RALGPS1: variants seen among roughly 807,000 people sequenced by gnomAD.
RALGPS1 encodes ras-specific guanine nucleotide-releasing factor RalGPS1.
Under a neutral mutation model 78.8 loss-of-function variants are expected in RALGPS1, and 19 were observed. The ratio of observed to expected loss-of-function variants is 0.24; its 90% confidence interval spans 0.17 to 0.35. The LOEUF (loss-of-function observed/expected upper bound fraction) is 0.35. Among genes scored for constraint, RALGPS1 ranks in the 10% least tolerant of loss-of-function variants. The probability of loss-of-function intolerance (pLI) is 1.00; values close to 1 mark genes in which losing one functional copy is unlikely to be tolerated. For synonymous variants in RALGPS1, 228 were observed against 256.3 expected, an observed-to-expected ratio of 0.89 and a Z score of 1.06; for missense variants, 454 against 688.3, an observed-to-expected ratio of 0.66 and a Z score of 3.81.
intron 3 of RALGPS1, among the ~76,000 whole-genome samples, chr9:126,975,901 G>A (rs1021321688): frequency 1.5e-4 from 23 of 152,168 alleles, no homozygotes; most frequent in African/African-American, 5.1e-4. Flanking sequence ...AGCCAGGCTG[G>A]TGGCAGCATC....
intron 3 of RALGPS1, among the ~76,000 whole-genome samples, chr9:126,972,210 G>T (rs905756273): frequency 1.3e-5 from 2 of 152,136 alleles, no homozygotes; most frequent in Non-Finnish European, 2.9e-5. Flanking sequence ...CCCCATCATG[G>T]CACAATTTGA....
chr9:127,043,505 T>C (rs2047496179), intron 5 of RALGPS1, among the ~76,000 whole-genome samples: 1 of 152,150 alleles, frequency 6.6e-6, no homozygotes, highest in Non-Finnish European at 1.5e-5. Flanking sequence ...TATAAAACTT[T>C]TAGGAGAAAA....
chr9:127,029,433 G>C lies in RALGPS1; in HGVS notation c.217-4998G>C, dbSNP rs148930860. 7.9e-3 allele frequency among the ~76,000 whole-genome samples: 1,197 copies of C among 152,250 alleles called. 11 individuals are homozygous for C. The highest frequency in any genetic ancestry group is 0.05 in the South Asian group (241 of 4,820). ...AAAGCAAATCTGGCAGGTCTTTCCT[G>C]TTGTTTTTTTTTCCTTCCTGTGAGA... On this transcript the variant is annotated intron_variant, in intron 4 of 18. Transcript: ENST00000259351.
At chr9:127,000,475 A>G (rs561230561) in intron 4 of RALGPS1, among the ~76,000 whole-genome samples, 1 of 143,896 alleles carries the variant, frequency 6.9e-6, no homozygotes, top group Non-Finnish European at 1.5e-5. Context: ...TGTGTTATTC[A>G]GTTTCCAAAT....
At chr9:126,995,452 A>C (rs568651834) in intron 4 of RALGPS1, among the ~76,000 whole-genome samples, 103 of 152,386 alleles carry the variant, frequency 6.8e-4, no homozygotes, top group African/African-American at 2.4e-3. Flanking sequence ...ACATAATGGT[A>C]AAGGGATCAA....
intron 10 of RALGPS1, 47 bp downstream of exon 10, chr9:127,168,819 G>T: frequency 6.7e-7 from 1 of 1,490,618 alleles, no homozygotes. Flanking sequence ...CCCCACTTTT[G>T]TCCTTAGTGC....
At position 126,978,000 on chromosome 9, in the gene RALGPS1, A is replaced by G. The variant is rs573810912; in HGVS notation, c.216+255A>G. The G allele has an allele frequency of 1.2e-5, 4 of 343,532 alleles. No homozygotes were observed. The East Asian group carries it at 1.8e-4, about 15-fold the overall frequency. The allele number at this position is 343,532 out of a possible 1,614,324, so 21.3% of individuals were successfully genotyped here. On this transcript the variant is annotated intron_variant, in intron 4 of 18. Coordinates refer to ENST00000259351, the MANE Select transcript of RALGPS1 (RefSeq NM_014636.3). ...GTACCCACAGGACTCCACGCCTGAG[A>G]GTCAGGTCTTAACACCCTCATTCCT...
intron 8 of RALGPS1, among the ~76,000 whole-genome samples, chr9:127,082,311 G>T (rs1427297205): frequency 2.6e-5 from 4 of 152,208 alleles, no homozygotes; most frequent in Non-Finnish European, 4.4e-5. Context: ...CAAAGGATTG[G>T]TAGCCCAGGG....
In RALGPS1 at chr9:127,183,137, A is replaced by G. The variant is rs2060390379; in HGVS notation, c.910+8355A>G. On this transcript the variant is annotated intron_variant, in intron 11 of 18. Transcript: ENST00000259351. The surrounding 1 kb of genome is among the most constrained non-coding windows in gnomAD (Gnocchi z 4.0). ...CCAGGGGGATGGTGCTAAGCCATTC[A>G]TGAAGGATCCGCCCCCGACCCAGTC... is the stretch of plus-strand genomic sequence containing the variant. Among the ~76,000 whole-genome samples, 1 of 151,784 alleles carries G rather than the reference A, an allele frequency of 6.6e-6. No homozygotes were observed. The highest frequency in any genetic ancestry group is 1.5e-5 in the Non-Finnish European group (1 of 67,962).
chr9:127,175,539 C>G (rs1015606353), intron 11 of RALGPS1, among the ~76,000 whole-genome samples: 1 of 152,092 alleles, frequency 6.6e-6, no homozygotes, highest in Admixed American at 6.6e-5. Context: ...CCACTGCTGT[C>G]CAGGGAGAGG....
chr9:126,980,281 T>C (rs1456136641), intron 4 of RALGPS1, among the ~76,000 whole-genome samples: 4 of 152,226 alleles, frequency 2.6e-5, no homozygotes, highest in Non-Finnish European at 5.9e-5. Flanking sequence ...GAGGCCAGCA[T>C]CTGAGAGCAA....
intron 8 of RALGPS1, among the ~76,000 whole-genome samples, chr9:127,129,462 TTACACAG>T (rs2056857309): frequency 6.6e-6 from 1 of 152,194 alleles, no homozygotes; most frequent in African/African-American, 2.4e-5. Flanking sequence ...TCCAACCCCC[TTACACAG>T]GTACCTGCTG....
At chr9:127,024,512 A>G (rs1325103006) in intron 4 of RALGPS1, among the ~76,000 whole-genome samples, 2 of 151,416 alleles carry the variant, frequency 1.3e-5, no homozygotes, top group African/African-American at 2.4e-5. Context: ...AGCTTCACCA[A>G]ACTCATCACA....
At chr9:127,108,428 G>A in intron 8 of RALGPS1, 3 of 1,608,026 alleles carry the variant, frequency 1.9e-6, no homozygotes, top group Non-Finnish European at 2.5e-6. Context: ...GTCTCGATCT[G>A]CCGCTTCTGC....
chr9:127,188,832 TAAAAAA>T (rs202172226), intron 11 of RALGPS1, among the ~76,000 whole-genome samples: 4 of 87,472 alleles, frequency 4.6e-5, no homozygotes, highest in African/African-American at 1.7e-4. Context: ...CCATCTCTAC[TAAAAAA>T]AAAAAAAAAA....
At chr9:126,928,676 A>C (rs2035524430) in intron 1 of RALGPS1, among the ~76,000 whole-genome samples, 1 of 151,834 alleles carries the variant, frequency 6.6e-6, no homozygotes, top group Non-Finnish European at 1.5e-5. Context: ...ATCTTGGCTC[A>C]CTGCAACCTC....
chr9:127,148,486 A>G (rs2789507), intron 8 of RALGPS1, among the ~76,000 whole-genome samples: 83,394 of 152,182 alleles, frequency 0.55, 23,554 homozygotes, highest in African/African-American at 0.66. Context: ...ATACACAAAC[A>G]AATTAATGAC....
chr9:127,056,742 G>A (rs554343765), intron 7 of RALGPS1, among the ~76,000 whole-genome samples: 2 of 152,262 alleles, frequency 1.3e-5, no homozygotes, highest in South Asian at 4.1e-4. Context: ...CATCGATGAT[G>A]TTGATTTTTC....
At chr9:127,197,016 G>T (rs1253610730) in intron 13 of RALGPS1, among the ~76,000 whole-genome samples, 1 of 152,218 alleles carries the variant, frequency 6.6e-6, no homozygotes, top group East Asian at 1.9e-4. Context: ...GGGCAAAGCA[G>T]GAGAGGCAGC....
Sources: allele counts gnomAD v4.1 joint callset (sites outside exome capture counted in the v4.1 genomes callset), GRCh38; gene constraint gnomAD v4.1.1; non-coding constraint Gnocchi (gnomAD v3.1); transcripts MANE v1.5; gene names NCBI Gene and HGNC (gene_info 2026-07-23, HGNC 2026-07-21).